PRELID2: variants seen among roughly 807,000 people sequenced by gnomAD.
PRELID2 encodes PRELI domain-containing protein 2.
PRELID2 carries 25 observed loss-of-function variants against 28.4 expected under a neutral mutation model. That is an observed-to-expected ratio of 0.88 (90% CI 0.64 to 1.23). The LOEUF (loss-of-function observed/expected upper bound fraction) is 1.23, where lower values mean the gene tolerates loss of function less well. Among genes scored for constraint, PRELID2 ranks in the 50% most tolerant of loss-of-function variants. PRELID2 has a pLI of 0.00. For synonymous variants in PRELID2, 76 were observed against 71.6 expected (o/e 1.06, Z -0.31); for missense variants, 201 against 214.4 (o/e 0.94, Z 0.39).
At chr5:145,302,443 T>G in the PRELID2 span, among the ~76,000 whole-genome samples, 1 of 152,096 alleles carries the variant, frequency 6.6e-6, no homozygotes, top group South Asian at 2.1e-4. Context: ...TGGCCAAATT[T>G]TATCTTTCTT....
At chr5:145,572,504 T>A (rs1310439422) in intron 1 of PRELID2, among the ~76,000 whole-genome samples, 2 of 152,236 alleles carry the variant, frequency 1.3e-5, no homozygotes, top group Non-Finnish European at 2.9e-5. Flanking sequence ...GTACAGCATC[T>A]GTGTGCTATA....
At chr5:145,253,881 T>A in the PRELID2 span, among the ~76,000 whole-genome samples, 1 of 152,252 alleles carries the variant, frequency 6.6e-6, no homozygotes, top group African/African-American at 2.4e-5. Flanking sequence ...TGAATGCAAC[T>A]TTTGTCACTT....
chr5:145,796,302 G>T, intron 5 of PRELID2, 140 bp downstream of exon 5: 1 of 455,134 alleles, frequency 2.2e-6, no homozygotes, highest in South Asian at 5.3e-5. Context: ...TAATTTTGAG[G>T]TTGATTATTT....
chr5:145,819,089 C>T (rs1324852290), intron 3 of PRELID2, among the ~76,000 whole-genome samples: 1 of 152,214 alleles, frequency 6.6e-6, no homozygotes, highest in Non-Finnish European at 1.5e-5. Context: ...TGGGCTCCTC[C>T]TTCACCTTCC....
the PRELID2 span, among the ~76,000 whole-genome samples, chr5:145,256,160 C>T: frequency 5.3e-5 from 8 of 151,946 alleles, no homozygotes; most frequent in African/African-American, 9.7e-5. Flanking sequence ...ATTTTCTTGC[C>T]GTATCAGCTT....
At chr5:145,634,293 C>T (rs1753971550) in intron 1 of PRELID2, among the ~76,000 whole-genome samples, 1 of 152,118 alleles carries the variant, frequency 6.6e-6, no homozygotes, top group Non-Finnish European at 1.5e-5. Flanking sequence ...TCTGCCTCTC[C>T]ACTCCCAAAG....
the PRELID2 span, among the ~76,000 whole-genome samples, chr5:145,462,234 C>A: frequency 6.6e-6 from 1 of 152,070 alleles, no homozygotes; most frequent in Non-Finnish European, 1.5e-5. Flanking sequence ...GAAACATAAT[C>A]CAAATTGATT....
intron 1 of PRELID2, among the ~76,000 whole-genome samples, chr5:145,591,013 T>C (rs1753219018): frequency 6.6e-6 from 1 of 151,842 alleles, no homozygotes; most frequent in Non-Finnish European, 1.5e-5. Context: ...TTAAGTTCCT[T>C]GGCTAGGCAT....
intron 1 of PRELID2, among the ~76,000 whole-genome samples, chr5:145,559,358 G>A (rs1167283302): frequency 1.3e-5 from 2 of 151,870 alleles, no homozygotes; most frequent in African/African-American, 4.8e-5. Flanking sequence ...AAATGCTATG[G>A]GGCTAATAAA....
At chr5:145,736,657 A>C (rs1206201027) in intron 1 of PRELID2, among the ~76,000 whole-genome samples, 1 of 152,154 alleles carries the variant, frequency 6.6e-6, no homozygotes, top group Non-Finnish European at 1.5e-5. Flanking sequence ...AACCCTGTAA[A>C]GGGACAGAGG....
At chr5:145,566,560 C>T (rs1752968994) in intron 1 of PRELID2, among the ~76,000 whole-genome samples, 2 of 152,156 alleles carry the variant, frequency 1.3e-5, no homozygotes, top group African/African-American at 2.4e-5. Flanking sequence ...GTGAAAAAGG[C>T]CCCACATGGT....
the PRELID2 span, among the ~76,000 whole-genome samples, chr5:145,339,142 T>C: frequency 3.3e-5 from 5 of 152,352 alleles, no homozygotes; most frequent in African/African-American, 9.6e-5. Context: ...GGAGGCAAGA[T>C]GGCTGACTAG....
At chr5:145,249,230 C>T in the PRELID2 span, among the ~76,000 whole-genome samples, 11 of 152,112 alleles carry the variant, frequency 7.2e-5, no homozygotes, top group African/African-American at 2.4e-4. Context: ...ATTTAACATG[C>T]CCCTTCCCGG....
chr5:145,566,231 A>G (rs967554469), intron 1 of PRELID2, among the ~76,000 whole-genome samples: 7 of 152,244 alleles, frequency 4.6e-5, no homozygotes, highest in Non-Finnish European at 7.3e-5. Context: ...ACAATGGGAT[A>G]CAGAGGACTG....
the PRELID2 span, among the ~76,000 whole-genome samples, chr5:145,371,639 G>C: frequency 6.6e-6 from 1 of 151,994 alleles, no homozygotes; most frequent in African/African-American, 2.4e-5. Flanking sequence ...ATGAGTTAGG[G>C]AGGAGTCCCT....
chr5:145,451,964 C>T, the PRELID2 span, among the ~76,000 whole-genome samples: 3 of 152,180 alleles, frequency 2.0e-5, no homozygotes, highest in East Asian at 1.9e-4. Flanking sequence ...GATTGGAAGA[C>T]CTGGCCCTTG....
the PRELID2 span, among the ~76,000 whole-genome samples, chr5:145,305,324 A>C: frequency 2.0e-5 from 3 of 152,218 alleles, no homozygotes; most frequent in African/African-American, 4.8e-5. Context: ...AGAAATCAGT[A>C]GTACCAAGTA....
chr5:145,346,775 C>G, the PRELID2 span, among the ~76,000 whole-genome samples: 1 of 152,080 alleles, frequency 6.6e-6, no homozygotes, highest in African/African-American at 2.4e-5. Flanking sequence ...TGATTTTAGC[C>G]TCAAAGCATT....
the PRELID2 span, among the ~76,000 whole-genome samples, chr5:145,310,123 T>A: frequency 6.6e-6 from 1 of 152,196 alleles, no homozygotes; most frequent in South Asian, 2.1e-4. Flanking sequence ...CCTTCATGGT[T>A]GTTGTGAGAT....
Sources: gnomAD v4.1 joint callset for allele counts (sites outside exome capture counted in the v4.1 genomes callset) on GRCh38, gnomAD v4.1.1 for gene constraint, MANE v1.5 for transcripts, NCBI Gene and HGNC (gene_info 2026-07-23, HGNC 2026-07-21) for gene names.